Variants in PPFIA2 observed in about 807,000 individuals in gnomAD.
PPFIA2 encodes PPFI scaffold protein A2.
PPFIA2 carries 46 observed loss-of-function variants against 175.5 expected under a neutral mutation model. That is an observed-to-expected ratio of 0.26 (90% CI 0.21 to 0.34). The LOEUF is 0.34. Ranked by LOEUF, PPFIA2 falls within the 10% of genes least tolerant of loss-of-function variation. The pLI, the probability that PPFIA2 is intolerant of heterozygous loss-of-function variation, is 1.00. For missense variants in PPFIA2, 1,179 were observed against 1,506.1 expected (o/e 0.78, Z 3.60); for synonymous variants, 568 against 511.4 (o/e 1.11, Z -1.49).
chr12:81,548,980 T>C (rs1001443279), intron 4 of PPFIA2, among the ~76,000 whole-genome samples: 1 of 152,136 alleles, frequency 6.6e-6, no homozygotes, highest in African/African-American at 2.4e-5. Flanking sequence ...AAAGCTTTCA[T>C]TGGTAAGCTT....
intron 9 of PPFIA2, among the ~76,000 whole-genome samples, chr12:81,382,295 TAG>T (rs759454330): frequency 4.6e-5 from 7 of 152,080 alleles, no homozygotes; most frequent in Admixed American, 6.6e-5. Flanking sequence ...AAGGTGGTAG[TAG>T]AGAGATTGTA....
At chr12:81,392,299 A>G (rs1595984390) in intron 8 of PPFIA2, among the ~76,000 whole-genome samples, 1 of 151,892 alleles carries the variant, frequency 6.6e-6, no homozygotes, top group East Asian at 1.9e-4. Flanking sequence ...AATCTGTAGG[A>G]GAAGCAGATT....
At chr12:81,412,002 A>C (rs2044052136) in intron 7 of PPFIA2, among the ~76,000 whole-genome samples, 1 of 152,010 alleles carries the variant, frequency 6.6e-6, no homozygotes, top group Non-Finnish European at 1.5e-5. Flanking sequence ...ATAACTATTG[A>C]AAACAAATAT....
At chr12:81,716,832 G>GCACATATCCA (rs2078689948) in intron 3 of PPFIA2, among the ~76,000 whole-genome samples, 1 of 151,560 alleles carries the variant, frequency 6.6e-6, no homozygotes, top group African/African-American at 2.4e-5. Context: ...CTCAGAAAGA[G>GCACATATCCA]GTGCGAATGC....
intron 4 of PPFIA2, among the ~76,000 whole-genome samples, chr12:81,639,561 T>G (rs925998625): frequency 7.2e-5 from 11 of 151,924 alleles, no homozygotes; most frequent in East Asian, 1.9e-4. Flanking sequence ...TATATATATA[T>G]AGTATTCCTA....
intron 14 of PPFIA2, among the ~76,000 whole-genome samples, chr12:81,366,362 C>T (rs2033433292): frequency 6.6e-6 from 1 of 151,582 alleles, no homozygotes. Flanking sequence ...ATAGTTGTGC[C>T]TATTATTTAA....
At chr12:81,424,586 C>A (rs1393452072) in intron 7 of PPFIA2, among the ~76,000 whole-genome samples, 1 of 152,030 alleles carries the variant, frequency 6.6e-6, no homozygotes, top group Non-Finnish European at 1.5e-5. Context: ...AATATTCATT[C>A]TCACATTCTT....
At chr12:81,406,462 G>A (rs1039043492) in intron 7 of PPFIA2, among the ~76,000 whole-genome samples, 4 of 151,882 alleles carry the variant, frequency 2.6e-5, no homozygotes, top group African/African-American at 9.7e-5. Context: ...TAATTTTAAT[G>A]TCCATTATTT....
At chr12:81,741,517 CCT>C (rs1344568521) in intron 3 of PPFIA2, among the ~76,000 whole-genome samples, 2 of 152,032 alleles carry the variant, frequency 1.3e-5, no homozygotes, top group Non-Finnish European at 2.9e-5. Context: ...AAAAGAATCC[CCT>C]GACTCAAGCT....
intron 3 of PPFIA2, among the ~76,000 whole-genome samples, chr12:81,715,134 G>C (rs2078430415): frequency 6.6e-6 from 1 of 150,910 alleles, no homozygotes; most frequent in African/African-American, 2.4e-5. Flanking sequence ...GATGGCACAA[G>C]AACCCTGGAA....
At chr12:81,342,359 T>G (rs2058263117) in intron 19 of PPFIA2, among the ~76,000 whole-genome samples, 1 of 152,044 alleles carries the variant, frequency 6.6e-6, no homozygotes, top group Non-Finnish European at 1.5e-5. Flanking sequence ...ATGAAAAAAG[T>G]TCTTAGTATG....
At chr12:81,525,474 G>A (rs1328212290) in intron 4 of PPFIA2, among the ~76,000 whole-genome samples, 1 of 152,140 alleles carries the variant, frequency 6.6e-6, no homozygotes, top group African/African-American at 2.4e-5. Flanking sequence ...GAAGGAAAGT[G>A]TAGGTAACCC....
intron 4 of PPFIA2, among the ~76,000 whole-genome samples, chr12:81,579,358 T>A (rs1471957177): frequency 1.3e-5 from 2 of 151,814 alleles, no homozygotes; most frequent in Non-Finnish European, 2.9e-5. Context: ...ACTAATCACA[T>A]TTATTGTAGT....
rs770937368 is a variant in PPFIA2 at position 81,384,145 on chromosome 12, T to G, written c.862A>C (p.Lys288Gln). The part of the protein sequence containing the change: ...EKQNYEMAQM[K>Q]ERLAALSSRV... ...GAAGAAAGGGCTGCTAAACGTTCTT[T>G]CATCTGGGCCATTTCATAGTTTTGC... Residue 288 changes from lysine (K) to glutamine (Q), a missense_variant, in exon 9 of 33, where the codon AAA (lysine) becomes CAA (glutamine). Lys to Gln is a moderately conservative substitution (Grantham distance 53). Coordinates refer to ENST00000549396, the MANE Select transcript of PPFIA2 (RefSeq NM_003625.5). 59 of 1,612,744 alleles carry G rather than the reference T, an allele frequency of 3.7e-5. No individual in the cohort carries two copies. The Middle Eastern group carries it at 1.5e-3, about 40-fold the overall frequency.
At chr12:81,395,040 A>G (rs1334822942) in intron 8 of PPFIA2, among the ~76,000 whole-genome samples, 1 of 152,036 alleles carries the variant, frequency 6.6e-6, no homozygotes, top group Non-Finnish European at 1.5e-5. Context: ...GAAAAGGAAG[A>G]GAAGAGAAAA....
chr12:81,509,601 C>T (rs1441621117), intron 4 of PPFIA2, among the ~76,000 whole-genome samples: 1 of 144,422 alleles, frequency 6.9e-6, no homozygotes, highest in African/African-American at 2.5e-5. Flanking sequence ...CTCCACCTAA[C>T]CTTTTTTTTT....
At chr12:81,593,103 G>A (rs2058860804) in intron 4 of PPFIA2, among the ~76,000 whole-genome samples, 1 of 151,990 alleles carries the variant, frequency 6.6e-6, no homozygotes, top group African/African-American at 2.4e-5. Flanking sequence ...GAGATTTTCA[G>A]TTTACATATC....
At chr12:81,730,942 AC>A (rs1303380586) in intron 3 of PPFIA2, among the ~76,000 whole-genome samples, 1 of 151,436 alleles carries the variant, frequency 6.6e-6, no homozygotes, top group Non-Finnish European at 1.5e-5. Flanking sequence ...GTGCATTAGT[AC>A]CCTTTATAAA....
intron 4 of PPFIA2, among the ~76,000 whole-genome samples, chr12:81,504,624 C>T (rs535068014): frequency 4.2e-4 from 64 of 152,172 alleles, no homozygotes; most frequent in Non-Finnish European, 8.2e-4. Context: ...TACCATTTGA[C>T]CCAGCAATCT....
Sources: allele counts gnomAD v4.1 joint callset (sites outside exome capture counted in the v4.1 genomes callset), GRCh38; gene constraint gnomAD v4.1.1; transcripts MANE v1.5; gene names NCBI Gene and HGNC (gene_info 2026-07-23, HGNC 2026-07-21).